Variants in MED31 observed in about 807,000 individuals in gnomAD.
MED31 encodes the protein mediator complex subunit 31, also known as mediator of RNA polymerase II transcription subunit 31.
MED31 carries 11 observed loss-of-function variants against 22.0 expected under a neutral mutation model. The ratio of observed to expected loss-of-function variants is 0.50; its 90% CI spans 0.31 to 0.83. MED31 has a LOEUF of 0.83. Among genes scored for constraint, MED31 ranks in the 40% least tolerant of loss-of-function variants. MED31 has a pLI of 0.04. For missense variants in MED31, 122 were observed against 155.3 expected, an observed-to-expected ratio of 0.79 and a Z score of 1.14; for synonymous variants, 60 against 55.1, an observed-to-expected ratio of 1.09 and a Z score of -0.40.
rs536441233 is a variant in MED31 at position 6,644,969 on chromosome 17, G to A, written c.204-310C>T. On this transcript the variant is annotated intron_variant, in intron 3 of 3. Coordinates refer to ENST00000225728, the MANE Select transcript of MED31 (RefSeq NM_016060.3). ...CTATTCCCTTCTAGCGGTTTCCAACGTGAAGAACATGAACATATTTTAGTA... is the reference window on the plus strand; with the variant it reads ...CTATTCCCTTCTAGCGGTTTCCAACATGAAGAACATGAACATATTTTAGTA... Among the ~76,000 whole-genome samples, 14 of 152,316 alleles carry A rather than the reference G, an allele frequency of 9.2e-5. No individual in the cohort carries two copies. The South Asian group carries it at 1.7e-3, about 18-fold the overall frequency.
At chr17:6,650,117 A>C in intron 2 of MED31, 39 bp from the exon 3 acceptor site, 1 of 1,543,372 alleles carries the variant, frequency 6.5e-7, no homozygotes, top group Non-Finnish European at 8.8e-7. Flanking sequence ...AGGTCAAACC[A>C]ATCCTTAAAC....
chr17:6,651,120 C>CAAAAAAAGAAAAAAAAAAAAA (rs1972829494), intron 1 of MED31, among the ~76,000 whole-genome samples: 1 of 49,068 alleles, frequency 2.0e-5, no homozygotes, highest in Non-Finnish European at 3.5e-5. Context: ...GACGCTGTCT[C>CAAAAAAAGAAAAAAAAAAAAA]AAAAAAAAAA....
Position 6,649,215 on chromosome 17 carries a change from G to GT in MED31, c.203+766dup, listed in dbSNP as rs950905992. ...AGTTCAAGGTGGGTTGGTTTTTTTTGTTTTTTTTGTTTTTTTTTTTTAACC... is the reference window on the plus strand; with the variant it reads ...AGTTCAAGGTGGGTTGGTTTTTTTTGTTTTTTTTTGTTTTTTTTTTTTAACC... On this transcript the variant is annotated intron_variant, in intron 3 of 3. Transcript: ENST00000225728. Among the ~76,000 whole-genome samples, 47 of 19,436 alleles carry GT rather than the reference G, an allele frequency of 2.4e-3. 1 individual carries two copies. Among genetic ancestry groups the GT allele is most frequent in the African/African-American group, 0.017 (36 of 2,158 alleles). The allele number at this position is 19,436 out of a possible 152,430, so 12.8% of individuals were successfully genotyped here. A position where few individuals can be genotyped will look rare whatever the true frequency, so the allele number is the denominator to read the frequency against.
intron 3 of MED31, among the ~76,000 whole-genome samples, chr17:6,649,592 G>A (rs1199409639): frequency 6.6e-6 from 1 of 152,170 alleles, no homozygotes; most frequent in Admixed American, 6.5e-5. Flanking sequence ...GTCAGAAAAG[G>A]CAGGGCCAGA....
At chr17:6,651,407 G>A (rs1389110848) in intron 1 of MED31, 94 bp downstream of exon 1, 7 of 1,498,430 alleles carry the variant, frequency 4.7e-6, no homozygotes, top group Non-Finnish European at 6.4e-6. Context: ...TATTAACCCT[G>A]CCAAGAGTAA....
Position 6,644,393 on chromosome 17 carries a change from AT to A in MED31, c.*73del, listed in dbSNP as rs1447548175. The A allele has an allele frequency of 1.1e-4, 154 of 1,448,722 alleles. No individual in the cohort carries two copies. Among genetic ancestry groups the A allele is most frequent in the South Asian group, 4.8e-4 (30 of 62,828 alleles). 89.7% of individuals were successfully genotyped at this position (1,448,722 alleles called of 1,614,324 possible). On this transcript the variant is annotated 3_prime_UTR_variant, in exon 4 of 4. Transcript: ENST00000225728. ...ATAAAGGTAGATAGGAAGAGTTTTC[AT>A]TTTTTTTGTCTTCACTGTACAAAAG...
Position 6,644,623 on chromosome 17 carries a change from T to G in MED31, c.240A>C (p.Gln80His). 6.2e-7 allele frequency: 1 copy of G among 1,610,610 alleles called. No individual in the cohort carries two copies. The highest frequency in any genetic ancestry group is 8.5e-7 in the Non-Finnish European group (1 of 1,179,168). ...PQCLHMLELL[Q>H]YEHFRKELVN... Reference sequence around the variant, plus strand: ...CCAGCTCCTTTCGGAAGTGTTCATATTGGAGCAGCTCTAACATGTGTAAAC... The same window carrying G: ...CCAGCTCCTTTCGGAAGTGTTCATAGTGGAGCAGCTCTAACATGTGTAAAC... The change falls in exon 4 of 4, where the codon CAA becomes CAC. Residue 80 changes from glutamine to histidine, a missense_variant. Coordinates refer to ENST00000225728, the MANE Select transcript of MED31 (RefSeq NM_016060.3).
At chr17:6,645,453 C>T (rs1005433536) in intron 3 of MED31, among the ~76,000 whole-genome samples, 5 of 151,994 alleles carry the variant, frequency 3.3e-5, no homozygotes, top group African/African-American at 9.7e-5. Flanking sequence ...TTCCAAGGAG[C>T]AGGTTTCCTT....
intron 3 of MED31, 200 bp downstream of exon 3, chr17:6,649,782 G>A (rs1250348986): frequency 2.2e-6 from 1 of 456,280 alleles, no homozygotes; most frequent in African/African-American, 2.0e-5. Flanking sequence ...ATGGGGGCAG[G>A]AAGGTAAAAG....
intron 1 of MED31, among the ~76,000 whole-genome samples, chr17:6,651,173 G>A (rs949398462): frequency 2.7e-5 from 4 of 145,524 alleles, no homozygotes; most frequent in Non-Finnish European, 6.0e-5. Context: ...CAAGTCTGGC[G>A]ACGATATTTC....
At chr17:6,648,753 C>T (rs568330522) in intron 3 of MED31, among the ~76,000 whole-genome samples, 3 of 152,266 alleles carry the variant, frequency 2.0e-5, no homozygotes, top group Admixed American at 1.3e-4. Flanking sequence ...CAAGGAGGTA[C>T]ATTATATCAC....
At chr17:6,646,346 G>A (rs1972766704) in intron 3 of MED31, among the ~76,000 whole-genome samples, 1 of 152,206 alleles carries the variant, frequency 6.6e-6, no homozygotes, top group Non-Finnish European at 1.5e-5. Context: ...AGACATAAAA[G>A]CTAACAGACA....
intron 1 of MED31, 118 bp downstream of exon 1, chr17:6,651,383 C>T (rs370213877): frequency 2.2e-6 from 3 of 1,339,020 alleles, no homozygotes; most frequent in East Asian, 2.4e-5. Flanking sequence ...AGCCTTCTCT[C>T]CTCTCTGTCC....
chr17:6,647,276 T>C (rs1176200816), intron 3 of MED31, among the ~76,000 whole-genome samples: 1 of 152,256 alleles, frequency 6.6e-6, no homozygotes, highest in Non-Finnish European at 1.5e-5. Context: ...TCTTTCTCTA[T>C]ACTTTGTGTC....
At chr17:6,650,492 T>C in intron 1 of MED31, 59 bp from the exon 2 acceptor site, 1 of 1,498,474 alleles carries the variant, frequency 6.7e-7, no homozygotes, top group East Asian at 2.3e-5. Context: ...TAATACTGAT[T>C]TGTAGTAAGG....
chr17:6,647,124 AC>A (rs1452161446), intron 3 of MED31, among the ~76,000 whole-genome samples: 5 of 152,154 alleles, frequency 3.3e-5, no homozygotes, highest in African/African-American at 1.2e-4. Context: ...TTCCCTGCTG[AC>A]CTTCTCGCCA....
intron 1 of MED31, 37 bp downstream of exon 1, chr17:6,651,464 C>T: frequency 6.2e-7 from 1 of 1,613,818 alleles, no homozygotes. Flanking sequence ...AAGGAGAGTT[C>T]CATCTGCGAA....
chr17:6,651,550 G>A lies in MED31; in HGVS notation c.-22C>T. On this transcript the variant is annotated 5_prime_UTR_variant, in exon 1 of 4. Coordinates refer to ENST00000225728, the MANE Select transcript of MED31 (RefSeq NM_016060.3). ...CCATAACAAACGAAGACACCAAAAC[G>A]CCACCAGCCTGACAGAGCAAAAGCC... The A allele has an allele frequency of 3.7e-6, 6 of 1,613,966 alleles. No homozygotes were observed. Among genetic ancestry groups the A allele is most frequent in the Non-Finnish European group, 4.2e-6 (5 of 1,179,938 alleles).
intron 3 of MED31, among the ~76,000 whole-genome samples, chr17:6,646,388 G>T (rs146016930): frequency 6.6e-6 from 1 of 152,188 alleles, no homozygotes; most frequent in Non-Finnish European, 1.5e-5. Context: ...GGAAGTGTGG[G>T]GAAAAGAGAT....
Sources: allele counts gnomAD v4.1 joint callset (sites outside exome capture counted in the v4.1 genomes callset), GRCh38; gene constraint gnomAD v4.1.1; transcripts MANE v1.5; gene names NCBI Gene and HGNC (gene_info 2026-07-23, HGNC 2026-07-21).